The following PPP3CA variants were observed in gnomAD, a reference collection of about 807,000 sequenced individuals.
The protein encoded by PPP3CA is protein phosphatase 3 catalytic subunit alpha.
A neutral mutation model predicts 66.5 loss-of-function variants in PPP3CA; 14 were observed. The observed-to-expected ratio is 0.21, with a 90% CI of 0.14 to 0.33. The LOEUF is 0.33. Among genes scored for constraint, PPP3CA ranks in the 10% least tolerant of loss-of-function variants. PPP3CA has a pLI of 1.00. For synonymous variants in PPP3CA, 232 were observed against 226.2 expected (o/e 1.03, Z -0.23); for missense variants, 317 against 639.5 (o/e 0.50, Z 5.44).
intron 1 of PPP3CA, among the ~76,000 whole-genome samples, chr4:101,226,488 G>A (rs713455): frequency 1.3e-5 from 2 of 151,456 alleles, no homozygotes; most frequent in East Asian, 2.0e-4. Context: ...GTTTTGCTAC[G>A]TGAAGGAGTC....
At chr4:101,130,274 A>T (rs1357800893) in intron 2 of PPP3CA, among the ~76,000 whole-genome samples, 1 of 152,168 alleles carries the variant, frequency 6.6e-6, no homozygotes, top group East Asian at 1.9e-4. Context: ...CCTATGTTTG[A>T]TTGGGGTACC....
chr4:101,119,668 A>G (rs1378376049), intron 2 of PPP3CA, among the ~76,000 whole-genome samples: 1 of 152,098 alleles, frequency 6.6e-6, no homozygotes, highest in Non-Finnish European at 1.5e-5. Context: ...TTTGTTTTTA[A>G]TATTTTAAAA....
chr4:101,182,227 T>C (rs1033695894), intron 2 of PPP3CA, among the ~76,000 whole-genome samples: 7 of 152,174 alleles, frequency 4.6e-5, no homozygotes, highest in Admixed American at 4.6e-4. Context: ...TTGGGACAGA[T>C]GTTAAGATTG....
Position 101,347,310 on chromosome 4 carries a change from G to C in PPP3CA, c.-514C>G, listed in dbSNP as rs1159752038. The C allele has an allele frequency of 4.9e-6, 1 of 204,216 alleles. No individual in the cohort carries two copies. The highest frequency in any genetic ancestry group is 9.6e-6 in the Non-Finnish European group (1 of 104,132). 12.7% of individuals were successfully genotyped at this position (204,216 alleles called of 1,614,324 possible). A position where few individuals can be genotyped will look rare whatever the true frequency, so the allele number is the denominator to read the frequency against. On this transcript the variant is annotated 5_prime_UTR_variant, in exon 1 of 14. Coordinates refer to ENST00000394854, the MANE Select transcript of PPP3CA (RefSeq NM_000944.5). ...GCACCTTGGCGTCCCCGGCGGCGGA[G>C]AGGCGGCCGCCGCTGCTGCCGCTGC...
chr4:101,305,471 C>T (rs1319274286), intron 1 of PPP3CA, among the ~76,000 whole-genome samples: 1 of 152,080 alleles, frequency 6.6e-6, no homozygotes, highest in Non-Finnish European at 1.5e-5. Flanking sequence ...ATGAACTTAG[C>T]AACTTTTAAT....
In PPP3CA at chr4:101,310,089, G is replaced by A. The variant is rs539241026; in HGVS notation, c.58+36650C>T. Among the ~76,000 whole-genome samples, 6 of 152,270 alleles carry A rather than the reference G, an allele frequency of 3.9e-5. No individual in the cohort carries two copies. The South Asian group carries it at 1.0e-3, about 26-fold the overall frequency. ...ACCAGTTGTACTCTCTTCAGCTGTAGTACTACTGATTGTTGTGTTTGTTAG... is the reference window on the plus strand; with the variant it reads ...ACCAGTTGTACTCTCTTCAGCTGTAATACTACTGATTGTTGTGTTTGTTAG... On this transcript the variant is annotated intron_variant, in intron 1 of 13. Coordinates refer to ENST00000394854, the MANE Select transcript of PPP3CA (RefSeq NM_000944.5).
intron 1 of PPP3CA, among the ~76,000 whole-genome samples, chr4:101,232,162 C>G (rs796782981): frequency 3.3e-5 from 5 of 151,764 alleles, no homozygotes; most frequent in African/African-American, 1.2e-4. Context: ...CTAATTTAAT[C>G]TTACTGCTCT....
chr4:101,188,523 T>C (rs1000235038), intron 2 of PPP3CA, among the ~76,000 whole-genome samples: 6 of 152,184 alleles, frequency 3.9e-5, no homozygotes, highest in African/African-American at 1.4e-4. Flanking sequence ...TAAATATTAT[T>C]TTCATATGAT....
Position 101,296,285 on chromosome 4 carries a change from T to C in PPP3CA, c.58+50454A>G, listed in dbSNP as rs572281483. Among the ~76,000 whole-genome samples the C allele has an allele frequency of 5.3e-5, 8 of 152,282 alleles. No individual in the cohort carries two copies. The South Asian group carries it at 6.2e-4, about 12-fold the overall frequency. On this transcript the variant is annotated intron_variant, in intron 1 of 13. Transcript: ENST00000394854. The stretch of plus-strand genomic sequence containing the variant: ...TTGGTATGTAATTCACAGTGGAACA[T>C]AGAAAGTTAACCATTTCTCAGAGGC...
At chr4:101,110,326 A>G (rs1469631902) in intron 2 of PPP3CA, among the ~76,000 whole-genome samples, 1 of 152,232 alleles carries the variant, frequency 6.6e-6, no homozygotes, top group East Asian at 1.9e-4. Flanking sequence ...ATAGAAAAAA[A>G]GAGTCAAGTG....
rs749179835 is a variant in PPP3CA, at chr4:101,025,922, G to A, written c.1509C>T (p.Leu503=). 60 of 1,608,348 alleles carry A rather than the reference G, an allele frequency of 3.7e-5. No individual in the cohort carries two copies. The highest frequency in any genetic ancestry group is 4.8e-5 in the Non-Finnish European group (57 of 1,176,730). Reference sequence around the variant, plus strand: ...TGTCCGTGCCGTTAGTCTCTGAGGTGAGAGCCTTGTTGATGGAGTTAAGGT... The same window carrying A: ...TGTCCGTGCCGTTAGTCTCTGAGGTAAGAGCCTTGTTGATGGAGTTAAGGT... ...DANLNSINKA[L]TSETNGTDSN... Residue 503 remains leucine, a synonymous_variant, in exon 14 of 14, where the codon CTC becomes CTT. Transcript: ENST00000394854.
chr4:101,250,373 T>A (rs1726635489), intron 1 of PPP3CA: 1 of 456,158 alleles, frequency 2.2e-6, no homozygotes, highest in Non-Finnish European at 4.4e-6. Context: ...AGTTTCAACA[T>A]CTGTAAAAAG....
At chr4:101,065,479 G>A (rs539804476) in intron 8 of PPP3CA, among the ~76,000 whole-genome samples, 1 of 152,174 alleles carries the variant, frequency 6.6e-6, no homozygotes, top group East Asian at 1.9e-4. Flanking sequence ...GTGCCCTGGA[G>A]GAAACAGACA....
intron 2 of PPP3CA, among the ~76,000 whole-genome samples, chr4:101,186,531 T>C (rs1456665864): frequency 6.6e-6 from 1 of 152,186 alleles, no homozygotes; most frequent in East Asian, 1.9e-4. Flanking sequence ...TATTTGGCTA[T>C]TTACTTCTAG....
intron 2 of PPP3CA, among the ~76,000 whole-genome samples, chr4:101,119,999 A>G (rs1469577203): frequency 2.6e-5 from 4 of 152,136 alleles, no homozygotes; most frequent in Non-Finnish European, 5.9e-5. Context: ...AAATTATTAA[A>G]ATATTGTTCA....
chr4:101,125,171 G>A (rs537205211), intron 2 of PPP3CA, among the ~76,000 whole-genome samples: 3 of 152,242 alleles, frequency 2.0e-5, no homozygotes, highest in African/African-American at 7.2e-5. Flanking sequence ...TAAGCTCTTT[G>A]CAAATCTTGC....
At chr4:101,340,805 T>C (rs1009373242) in intron 1 of PPP3CA, among the ~76,000 whole-genome samples, 1 of 152,130 alleles carries the variant, frequency 6.6e-6, no homozygotes, top group African/African-American at 2.4e-5. Context: ...CTCTAGAAAT[T>C]AACAAAATCA....
At chr4:101,261,844 C>A in intron 1 of PPP3CA, among the ~76,000 whole-genome samples, 1 of 151,826 alleles carries the variant, frequency 6.6e-6, no homozygotes, top group Non-Finnish European at 1.5e-5. Context: ...TGTGTTTTAA[C>A]TTCCCCTCTC....
rs754954878 is a variant in PPP3CA, at chr4:101,026,107, G to T, written c.1370-46C>A. 4.7e-6 allele frequency: 7 copies of T among 1,475,012 alleles called. No individual in the cohort carries two copies. In the South Asian group the frequency reaches 9.1e-5, roughly 19 times the overall value. 91.4% of individuals were successfully genotyped at this position (1,475,012 alleles called of 1,614,324 possible). On this transcript the variant is annotated intron_variant, in intron 13 of 13. Coordinates refer to ENST00000394854, the MANE Select transcript of PPP3CA (RefSeq NM_000944.5). ...AAAAGAAAACCAGGATTATCCAAAG[G>T]AAAACAAAGGGCACAGCTGTTGCAG...
Sources: allele counts gnomAD v4.1 joint callset (sites outside exome capture counted in the v4.1 genomes callset), GRCh38; gene constraint gnomAD v4.1.1; transcripts MANE v1.5; gene names NCBI Gene and HGNC (gene_info 2026-07-23, HGNC 2026-07-21).